Variants in LRRC20 observed in about 807,000 individuals in gnomAD.
LRRC20 encodes the protein leucine rich repeat containing 20.
A neutral mutation model predicts 14.4 loss-of-function variants in LRRC20; 11 were observed. That is an observed-to-expected ratio of 0.77 (90% confidence interval 0.48 to 1.27). The LOEUF (loss-of-function observed/expected upper bound fraction) is 1.27, where lower values mean the gene tolerates loss of function less well. Among genes scored for constraint, LRRC20 ranks in the 50% most tolerant of loss-of-function variants. The pLI, the probability that LRRC20 is intolerant of heterozygous loss-of-function variation, is 0.00. For synonymous variants in LRRC20, 121 were observed against 107.3 expected, an observed-to-expected ratio of 1.13 and a Z score of -0.79; for missense variants, 219 against 251.2, an observed-to-expected ratio of 0.87 and a Z score of 0.87.
chr10:70,336,649 C>G (rs781442251), intron 3 of LRRC20, among the ~76,000 whole-genome samples: 17 of 152,222 alleles, frequency 1.1e-4, no homozygotes, highest in Non-Finnish European at 2.2e-4. Context: ...CAGAGAGTAC[C>G]TGAAGTCTTC....
At chr10:70,307,069 T>C (rs889664555) in intron 4 of LRRC20, among the ~76,000 whole-genome samples, 3 of 152,222 alleles carry the variant, frequency 2.0e-5, no homozygotes, top group Admixed American at 6.5e-5. Context: ...GTCTTGAGCC[T>C]TCCCTGTTCC....
At chr10:70,332,071 G>A (rs922675278) in intron 3 of LRRC20, among the ~76,000 whole-genome samples, 14 of 152,098 alleles carry the variant, frequency 9.2e-5, no homozygotes, top group South Asian at 2.1e-4. Context: ...TCAGCACCTC[G>A]GCTCTGAACC....
chr10:70,345,369 T>G (rs1399106048), intron 2 of LRRC20, among the ~76,000 whole-genome samples: 1 of 150,702 alleles, frequency 6.6e-6, no homozygotes, highest in Non-Finnish European at 1.5e-5. Context: ...TTAAAAAAAG[T>G]AAACTTAATT....
rs368037732 is a variant in LRRC20, at chr10:70,370,984, C to T, written c.82+5468G>A. Among the ~76,000 whole-genome samples, 21 of 152,246 alleles carry T rather than the reference C, an allele frequency of 1.4e-4. No individual in the cohort carries two copies. In the East Asian group the frequency reaches 3.3e-3, roughly 24 times the overall value. ...GCAGGGAACTATGATTGCGCCACTG[C>T]ACTCCAGCCTGGGTGACAGAGCAAG... is the stretch of plus-strand genomic sequence containing the variant. On this transcript the variant is annotated intron_variant, in intron 2 of 4. Transcript: ENST00000446961.
chr10:70,340,764 C>G, intron 2 of LRRC20, 62 bp from the exon 3 acceptor site: 1 of 1,551,350 alleles, frequency 6.4e-7, no homozygotes, highest in Admixed American at 1.8e-5. Context: ...GAACTTGTCC[C>G]AGACTCACAC....
Position 70,301,358 on chromosome 10 carries a change from G to C in LRRC20, c.551C>G (p.Pro184Arg), listed in dbSNP as rs1366110799. The change falls in exon 5 of 5, where the codon CCT becomes CGT. Residue 184 changes from proline (P) to arginine (R), a missense_variant. By Grantham distance (103) the Pro-to-Arg change is moderately radical. Coordinates refer to ENST00000446961, the MANE Select transcript of LRRC20 (RefSeq NM_001278212.2). ...GGTGGGCATGAGGAGGGTGGCCTAA[G>C]GTAGGGGGGCTCTTGCGCCTTCCGG... Reference protein sequence around the residue: ...MSPEGARAPLP With the variant: ...MSPEGARAPLR 1 of 1,612,222 alleles carries C rather than the reference G, an allele frequency of 6.2e-7. No homozygotes were observed. Among genetic ancestry groups the C allele is most frequent in the African/African-American group, 1.3e-5 (1 of 74,936 alleles).
chr10:70,317,052 C>T (rs1841890673), intron 4 of LRRC20, among the ~76,000 whole-genome samples: 1 of 152,234 alleles, frequency 6.6e-6, no homozygotes, highest in Non-Finnish European at 1.5e-5. Flanking sequence ...GAACTCCATG[C>T]CCAGGGAGGG....
intron 2 of LRRC20, among the ~76,000 whole-genome samples, chr10:70,368,453 G>A (rs1016352880): frequency 3.3e-5 from 5 of 151,344 alleles, no homozygotes; most frequent in South Asian, 2.1e-4. Context: ...CACCGCGCCC[G>A]GCCATTTTTG....
At chr10:70,382,518 C>A (rs1844749572) in intron 1 of LRRC20, 31 bp downstream of exon 1, 1 of 152,316 alleles carries the variant, frequency 6.6e-6, no homozygotes, top group Non-Finnish European at 1.5e-5. Flanking sequence ...AGCGTGTGGT[C>A]CCGCTCCGGG....
intron 4 of LRRC20, among the ~76,000 whole-genome samples, chr10:70,317,453 C>G (rs544924724): frequency 8.5e-4 from 129 of 152,138 alleles, no homozygotes; most frequent in Non-Finnish European, 1.5e-3. Flanking sequence ...TTCATTGCAG[C>G]CTTGAACTCC....
intron 4 of LRRC20, 80 bp downstream of exon 4, chr10:70,323,783 G>A: frequency 1.3e-6 from 2 of 1,493,708 alleles, no homozygotes; most frequent in Non-Finnish European, 1.8e-6. Context: ...CCTCCCACCT[G>A]TGAAGGTCGA....
In LRRC20 at chr10:70,336,503, C is replaced by A. The variant is rs191457581; in HGVS notation, c.232+4050G>T. ...AACAACTGGTCCCAAATGGCTGGGA[C>A]TCAATTAACAACTAACAGCTTCCTG... On this transcript the variant is annotated intron_variant, in intron 3 of 4. Transcript: ENST00000446961. Among the ~76,000 whole-genome samples the A allele has an allele frequency of 1.3e-3, 194 of 152,270 alleles. 1 individual carries two copies. Among genetic ancestry groups the A allele is most frequent in the Non-Finnish European group, 3.4e-4 (23 of 68,014 alleles).
intron 3 of LRRC20, among the ~76,000 whole-genome samples, chr10:70,326,332 ACG>A (rs1491432195): frequency 1.3e-5 from 2 of 148,986 alleles, no homozygotes; most frequent in African/African-American, 5.0e-5. Context: ...ACACACACAC[ACG>A]CACGCGCCTG....
intron 2 of LRRC20, among the ~76,000 whole-genome samples, chr10:70,345,845 A>G (rs1211215085): frequency 6.6e-6 from 1 of 152,182 alleles, no homozygotes; most frequent in East Asian, 1.9e-4. Context: ...ACTGTCTTTC[A>G]TGGTTAATTA....
intron 4 of LRRC20, 58 bp from the exon 5 acceptor site, chr10:70,301,566 G>A (rs1841185879): frequency 1.9e-6 from 3 of 1,584,994 alleles, no homozygotes; most frequent in Non-Finnish European, 2.6e-6. Context: ...CAGAAAAGAA[G>A]GACAATGGGC....
intron 3 of LRRC20, among the ~76,000 whole-genome samples, chr10:70,335,725 C>A (rs1311480383): frequency 6.6e-6 from 1 of 152,220 alleles, no homozygotes; most frequent in African/African-American, 2.4e-5. Flanking sequence ...CAGTCCCTAA[C>A]AACACACCAT....
At chr10:70,307,259 C>G (rs916320753) in intron 4 of LRRC20, among the ~76,000 whole-genome samples, 2 of 152,244 alleles carry the variant, frequency 1.3e-5, no homozygotes, top group African/African-American at 4.8e-5. Context: ...GTGCACCCAC[C>G]ACACTGTACC....
chr10:70,308,257 G>A (rs527833441), intron 4 of LRRC20, among the ~76,000 whole-genome samples: 2 of 152,340 alleles, frequency 1.3e-5, no homozygotes, highest in East Asian at 3.9e-4. Context: ...ACAGGAGGTA[G>A]GAGGGTCCTG....
intron 2 of LRRC20, among the ~76,000 whole-genome samples, chr10:70,354,741 C>G (rs1466853659): frequency 6.6e-6 from 1 of 152,186 alleles, no homozygotes; most frequent in Non-Finnish European, 1.5e-5. Flanking sequence ...GTTCCTCCTG[C>G]TTCCCCTCTG....
Sources: gnomAD v4.1 joint callset for allele counts (sites outside exome capture counted in the v4.1 genomes callset) on GRCh38, gnomAD v4.1.1 for gene constraint, MANE v1.5 for transcripts, NCBI Gene and HGNC (gene_info 2026-07-23, HGNC 2026-07-21) for gene names.